Variants in ODAD3 observed in about 807,000 individuals in gnomAD.
ODAD3 encodes the protein outer dynein arm docking complex subunit 3, also known as outer dynein arm-docking complex subunit 3.
In ODAD3, 57 loss-of-function variants were observed where a neutral mutation model predicts 70.9. The observed-to-expected ratio is 0.80, with a 90% confidence interval of 0.65 to 1.00. The LOEUF (loss-of-function observed/expected upper bound fraction) is 1.00, where lower values mean the gene tolerates loss of function less well. ODAD3 is among the 50% of genes least tolerant of loss of function. The probability of loss-of-function intolerance (pLI) is 0.00; values close to 1 mark genes in which losing one functional copy is unlikely to be tolerated. For synonymous variants in ODAD3, 327 were observed against 315.9 expected (o/e 1.04, Z -0.37); for missense variants, 797 against 763.9 (o/e 1.04, Z -0.51).
rs1023232709 is a variant in ODAD3 at position 11,434,834 on chromosome 19, A to G, written c.183T>C (p.Gly61=). ...GAGAGTGCACAGAGGGCTTCCCTGCACCTCTGTGGAAGGATCCTCCCTTGG... is the reference window on the plus strand; with the variant it reads ...GAGAGTGCACAGAGGGCTTCCCTGCGCCTCTGTGGAAGGATCCTCCCTTGG... The part of the protein sequence containing the change: ...GRSKGGSFHR[G]AGKPSVHSQV... The change falls in exon 1 of 13, where the codon GGT becomes GGC. Residue 61 remains glycine, a synonymous_variant. Transcript: ENST00000356392. The G allele has an allele frequency of 1.9e-6, 3 of 1,613,934 alleles. No individual in the cohort carries two copies. The African/African-American group carries it at 4.0e-5, about 22-fold the overall frequency.
rs369276498 is a variant in ODAD3 at position 11,426,405 on chromosome 19, C to T, written c.840+41G>A. On this transcript the variant is annotated intron_variant, in intron 6 of 12. Coordinates refer to ENST00000356392, the MANE Select transcript of ODAD3 (RefSeq NM_145045.5). ...GTCAGATTCTCAAGCTGGGAGACCG[C>T]GGCAGCTGGGCAGGATGGCCGAGGG... is the stretch of plus-strand genomic sequence containing the variant. 232 of 1,612,522 alleles carry T rather than the reference C, an allele frequency of 1.4e-4. 1 individual carries two copies. Among genetic ancestry groups the T allele is most frequent in the South Asian group, 9.9e-4 (90 of 91,020 alleles).
chr19:11,425,457 G>GTGTGTGTATATATGTATATA lies in ODAD3; in HGVS notation c.963+667_963+686dup, dbSNP rs1188318519. On this transcript the variant is annotated intron_variant, in intron 7 of 12. Transcript: ENST00000356392. ...TGTGTATATGTATATATACATATAT[G>GTGTGTGTATATATGTATATA]TGTGTGTATATATGTATATATGTGT... is the stretch of plus-strand genomic sequence containing the variant. Among the ~76,000 whole-genome samples the GTGTGTGTATATATGTATATA allele has an allele frequency of 1.4e-4, 19 of 133,462 alleles. No individual in the cohort carries two copies. In the East Asian group the frequency reaches 2.3e-3, roughly 16 times the overall value. 87.6% of individuals were successfully genotyped at this position (133,462 alleles called of 152,430 possible).
intron 7 of ODAD3, among the ~76,000 whole-genome samples, chr19:11,425,293 GTATATATGTGTATGTGTA>G (rs1969299727): frequency 7.2e-6 from 1 of 138,366 alleles, no homozygotes; most frequent in African/African-American, 3.0e-5. Flanking sequence ...GTACATATGT[GTATATATGTGTATGTGTA>G]CATATGTGTA....
At chr19:11,425,545 A>ATATG (rs1969337021) in intron 7 of ODAD3, among the ~76,000 whole-genome samples, 2 of 121,776 alleles carry the variant, frequency 1.6e-5, no homozygotes, top group African/African-American at 4.0e-5. Flanking sequence ...GTGTGTATGT[A>ATATG]TGTATATATG....
At position 11,421,734 on chromosome 19, in the gene ODAD3, C is replaced by T; in HGVS notation, c.1533G>A (p.Gln511=). The T allele has an allele frequency of 1.2e-6, 2 of 1,613,448 alleles. No homozygotes were observed. The highest frequency in any genetic ancestry group is 1.1e-5 in the South Asian group (1 of 91,090). Residue 511 remains glutamine, a synonymous_variant, in exon 11 of 13, where the codon CAG becomes CAA. Transcript: ENST00000356392. ...GLVEEKLLKL[Q]AQLQGHDVQE... ...GCACGTCGTGGCCCTGGAGCTGCGC[C>T]TGCAGTTTCAGCAGCTTTTCCTCCA...
Position 11,426,124 on chromosome 19 carries a change from G to C in ODAD3, c.963+20C>G, listed in dbSNP as rs373614479. The stretch of plus-strand genomic sequence containing the variant: ...TGGGCTGGGCTGGAGTCACAGGCGC[G>C]CACCCCTGGGTGCGCCCACCTTGCG... On this transcript the variant is annotated intron_variant, in intron 7 of 12. Transcript: ENST00000356392. 9 of 1,598,420 alleles carry C rather than the reference G, an allele frequency of 5.6e-6. No individual in the cohort carries two copies. The South Asian group carries it at 7.8e-5, about 14-fold the overall frequency.
rs1047082705 is a variant in ODAD3, at chr19:11,425,549, A to G, written c.963+595T>C. ...TATGTATATATGTGTGTATGTATGT[A>G]TATATGTATATATGTGTGTATGTAT... On this transcript the variant is annotated intron_variant, in intron 7 of 12. Transcript: ENST00000356392. Among the ~76,000 whole-genome samples the G allele has an allele frequency of 8.7e-5, 11 of 126,586 alleles. No homozygotes were observed. The East Asian group carries it at 2.8e-3, about 32-fold the overall frequency. 83.0% of individuals were successfully genotyped at this position (126,586 alleles called of 152,430 possible). A position where few individuals can be genotyped will look rare whatever the true frequency, so the allele number is the denominator to read the frequency against.
rs1381123397 is a variant in ODAD3, at chr19:11,422,402, C to A, written c.1434+69G>T. 61 of 1,457,560 alleles carry A rather than the reference C, an allele frequency of 4.2e-5. No individual in the cohort carries two copies. The highest frequency in any genetic ancestry group is 5.0e-5 in the Non-Finnish European group (55 of 1,100,826). The allele number at this position is 1,457,560 out of a possible 1,614,324, so 90.3% of individuals were successfully genotyped here. A position where few individuals can be genotyped will look rare whatever the true frequency, so the allele number is the denominator to read the frequency against. The stretch of plus-strand genomic sequence containing the variant: ...CTCGGGCAAGCTGGTGTGGCAGGAA[C>A]CCCGCTTCGTGGCTGCGCCTCTGCG... On this transcript the variant is annotated intron_variant, in intron 10 of 12. Coordinates refer to ENST00000356392, the MANE Select transcript of ODAD3 (RefSeq NM_145045.5). This position sits in a 1 kb window ranked among gnomAD's most constrained non-coding sequence, Gnocchi z 4.6.
intron 8 of ODAD3, among the ~76,000 whole-genome samples, chr19:11,423,464 A>G (rs962316041): frequency 6.6e-6 from 1 of 152,028 alleles, no homozygotes. Context: ...ACAGTGAGGG[A>G]CCCGGCGCAG....
chr19:11,420,996 C>G, intron 12 of ODAD3, 49 bp from the exon 13 acceptor site: 1 of 1,584,540 alleles, frequency 6.3e-7, no homozygotes, highest in Non-Finnish European at 8.7e-7. Flanking sequence ...ATCCAGGTCC[C>G]CATCCCTGGC....
chr19:11,421,892 C>T, intron 10 of ODAD3, 60 bp from the exon 11 acceptor site: 3 of 1,544,878 alleles, frequency 1.9e-6, no homozygotes, highest in Admixed American at 4.1e-5. Context: ...AAGGCTCCAC[C>T]CAGGGGCGGG....
At position 11,425,491 on chromosome 19, in the gene ODAD3, G is replaced by A. The variant is rs1303690336; in HGVS notation, c.963+653C>T. Among the ~76,000 whole-genome samples, 5 of 134,556 alleles carry A rather than the reference G, an allele frequency of 3.7e-5. 1 individual carries two copies. The East Asian group carries it at 1.0e-3, about 27-fold the overall frequency. The allele number at this position is 134,556 out of a possible 152,430, so 88.3% of individuals were successfully genotyped here. On this transcript the variant is annotated intron_variant, in intron 7 of 12. Coordinates refer to ENST00000356392, the MANE Select transcript of ODAD3 (RefSeq NM_145045.5). Reference sequence around the variant, plus strand: ...TATATGTATATATGTGTGTATATATGTATATATGTATATATGTGTGTATAT... The same window carrying A: ...TATATGTATATATGTGTGTATATATATATATATGTATATATGTGTGTATAT...
In ODAD3 at chr19:11,425,674, A is replaced by G. The variant is rs1269610143; in HGVS notation, c.963+470T>C. Among the ~76,000 whole-genome samples, 7 of 131,018 alleles carry G rather than the reference A, an allele frequency of 5.3e-5. 2 individuals are homozygous for G. Among genetic ancestry groups the G allele is most frequent in the African/African-American group, 2.8e-4 (7 of 24,950 alleles). The allele number at this position is 131,018 out of a possible 152,430, so 86.0% of individuals were successfully genotyped here. A position where few individuals can be genotyped will look rare whatever the true frequency, so the allele number is the denominator to read the frequency against. On this transcript the variant is annotated intron_variant, in intron 7 of 12. Coordinates refer to ENST00000356392, the MANE Select transcript of ODAD3 (RefSeq NM_145045.5). ...ACGTATATATATATATATATATGCA[A>G]AAAAAACCTATCAAACAACAACTAC...
intron 7 of ODAD3, among the ~76,000 whole-genome samples, chr19:11,425,410 C>CACATATGTGT (rs1969320236): frequency 1.0e-5 from 1 of 100,006 alleles, no homozygotes; most frequent in African/African-American, 7.5e-5. Flanking sequence ...TGTATATATA[C>CACATATGTGT]ATATATGTGT....
In ODAD3 at chr19:11,421,045, G is replaced by A. The variant is rs1235223301; in HGVS notation, c.1675+83C>T. The A allele has an allele frequency of 3.2e-6, 5 of 1,577,348 alleles. No individual in the cohort carries two copies. The Admixed American group carries it at 8.4e-5, about 27-fold the overall frequency. On this transcript the variant is annotated intron_variant, in intron 12 of 12. Coordinates refer to ENST00000356392, the MANE Select transcript of ODAD3 (RefSeq NM_145045.5). ...ACCACCCCACTCCACCCCCACCTTG[G>A]CCCTGAACAGGGTATCTGACAACCT...
chr19:11,434,153 C>T lies in ODAD3; in HGVS notation c.244+620G>A, dbSNP rs150921821. 1.9e-3 allele frequency among the ~76,000 whole-genome samples: 279 copies of T among 149,454 alleles called. 1 individual carries two copies. Among genetic ancestry groups the T allele is most frequent in the African/African-American group, 6.5e-3 (263 of 40,172 alleles). Reference sequence around the variant, plus strand: ...GCTTGAACCTTGGAGGCAGAGGTTGCAGTGAGCCGAGATCATGCCACTGCT... The same window carrying T: ...GCTTGAACCTTGGAGGCAGAGGTTGTAGTGAGCCGAGATCATGCCACTGCT... On this transcript the variant is annotated intron_variant, in intron 1 of 12. Transcript: ENST00000356392.
intron 7 of ODAD3, among the ~76,000 whole-genome samples, chr19:11,424,695 A>G (rs1969232651): frequency 3.8e-5 from 1 of 26,280 alleles, no homozygotes; most frequent in African/African-American, 3.3e-4. Flanking sequence ...CTATGTGTAT[A>G]TATGTATATA....
At chr19:11,435,740 A>C (rs1171494743), upstream of ODAD3, 7 of 1,350,286 alleles carry the variant, frequency 5.2e-6, no homozygotes, top group Admixed American at 2.2e-5. Flanking sequence ...AGGGCACCTC[A>C]GTTTCTTACA....
chr19:11,431,238 A>G, intron 1 of ODAD3: 1 of 537,398 alleles, frequency 1.9e-6, no homozygotes, highest in African/African-American at 1.9e-5. Context: ...CAGCCTCCCA[A>G]GTAGCTGGGA....
Sources: allele counts gnomAD v4.1 joint callset (sites outside exome capture counted in the v4.1 genomes callset), GRCh38; gene constraint gnomAD v4.1.1; non-coding constraint Gnocchi (gnomAD v3.1); transcripts MANE v1.5; gene names NCBI Gene and HGNC (gene_info 2026-07-23, HGNC 2026-07-21).